Variants in UBAC2 observed in about 807,000 individuals in gnomAD.
UBAC2 encodes ubiquitin-associated domain-containing protein 2.
UBAC2 carries 26 observed loss-of-function variants against 44.0 expected under a neutral mutation model. The ratio of observed to expected loss-of-function variants is 0.59; its 90% CI spans 0.43 to 0.82. The LOEUF is 0.82. Among genes scored for constraint, UBAC2 ranks in the 40% least tolerant of loss-of-function variants. The pLI, the probability that UBAC2 is intolerant of heterozygous loss-of-function variation, is 0.00. For missense variants in UBAC2, 329 were observed against 419.4 expected (o/e 0.78, Z 1.88); for synonymous variants, 155 against 154.3 (o/e 1.00, Z -0.04).
At chr13:99,363,149 G>C (rs1047048933) in intron 7 of UBAC2, among the ~76,000 whole-genome samples, 10 of 152,124 alleles carry the variant, frequency 6.6e-5, no homozygotes, top group African/African-American at 2.4e-4. Flanking sequence ...TCATAACCAA[G>C]TGCCCATGTT....
chr13:99,338,039 CTTTTTTTCT>C (rs1170872570), intron 6 of UBAC2, among the ~76,000 whole-genome samples: 558 of 91,326 alleles, frequency 6.1e-3, no homozygotes, highest in South Asian at 0.011. Context: ...AACTTTTTTT[CTTTTTTTCT>C]TTTTTTTTTT....
chr13:99,272,950 T>A (rs954216829), intron 4 of UBAC2, among the ~76,000 whole-genome samples: 1 of 152,146 alleles, frequency 6.6e-6, no homozygotes, highest in Admixed American at 6.5e-5. Flanking sequence ...TCTAGTATTT[T>A]TAGCCATTTT....
intron 8 of UBAC2, among the ~76,000 whole-genome samples, chr13:99,371,830 A>G (rs535930494): frequency 3.9e-5 from 6 of 152,274 alleles, no homozygotes; most frequent in Non-Finnish European, 8.8e-5. Context: ...AATGTATGCC[A>G]TGTACTTTGA....
intron 8 of UBAC2, among the ~76,000 whole-genome samples, chr13:99,380,920 G>T (rs2045542191): frequency 6.6e-6 from 1 of 152,188 alleles, no homozygotes; most frequent in South Asian, 2.1e-4. Context: ...TTGGCTAAAG[G>T]GGCATGATCT....
chr13:99,244,526 G>A lies in UBAC2; in HGVS notation c.291G>A (p.Leu97=). ...YGSRKFASFL[L]GSWVLSALFD... is the part of the protein sequence containing the mutation. ...GTTTTATTTTGTAGTCCTTTTTGCT[G>A]GGTTCCTGGGTTTTGTCAGCCTTAT... The change falls in exon 4 of 9, where the codon CTG becomes CTA. Residue 97 remains leucine, a synonymous_variant. Transcript: ENST00000403766. 1 of 1,611,832 alleles carries A rather than the reference G, an allele frequency of 6.2e-7. No individual in the cohort carries two copies. The highest frequency in any genetic ancestry group is 8.5e-7 in the Non-Finnish European group (1 of 1,178,754).
intron 7 of UBAC2, among the ~76,000 whole-genome samples, chr13:99,354,637 G>A (rs966366651): frequency 2.0e-5 from 3 of 151,682 alleles, no homozygotes; most frequent in African/African-American, 7.3e-5. Flanking sequence ...AGTTTGAGCC[G>A]ACATAGTAAT....
chr13:99,347,435 A>T (rs1180082946), intron 7 of UBAC2, among the ~76,000 whole-genome samples: 1 of 148,474 alleles, frequency 6.7e-6, no homozygotes, highest in Non-Finnish European at 1.5e-5. Context: ...GATGGGGATG[A>T]GAAGCGCTGC....
chr13:99,365,469 A>G (rs2045318201), intron 7 of UBAC2, among the ~76,000 whole-genome samples: 1 of 152,084 alleles, frequency 6.6e-6, no homozygotes, highest in African/African-American at 2.4e-5. Context: ...ATTACATCCC[A>G]TAAACTTTGA....
At chr13:99,303,962 C>G (rs1348932421) in intron 4 of UBAC2, among the ~76,000 whole-genome samples, 1 of 152,202 alleles carries the variant, frequency 6.6e-6, no homozygotes, top group Non-Finnish European at 1.5e-5. Context: ...TTGTGCTCTG[C>G]TGCACATCCG....
rs1352367587 is a variant in UBAC2, at chr13:99,238,555, G to C, written c.159+1G>C. 1.9e-6 allele frequency: 3 copies of C among 1,604,154 alleles called. No homozygotes were observed. The highest frequency in any genetic ancestry group is 2.6e-6 in the Non-Finnish European group (3 of 1,174,998). Reference sequence around the variant, plus strand: ...TCACGCAGTCAAGAACGACTTCCAGGTAAGCTCTGCCTCATTGGCCCCTGA... The same window carrying C: ...TCACGCAGTCAAGAACGACTTCCAGCTAAGCTCTGCCTCATTGGCCCCTGA... On this transcript the variant is annotated splice_donor_variant, in intron 2 of 8. Coordinates refer to ENST00000403766, the MANE Select transcript of UBAC2 (RefSeq NM_001144072.2). LOFTEE classifies it high-confidence loss of function.
intron 1 of UBAC2, among the ~76,000 whole-genome samples, chr13:99,237,254 G>GTATATATATATA (rs142568689): frequency 1.5e-5 from 2 of 136,408 alleles, no homozygotes; most frequent in South Asian, 2.3e-4. Flanking sequence ...AATTTTATGC[G>GTATATATATATA]TATATATATA....
chr13:99,254,885 T>C (rs780161923), intron 4 of UBAC2: 1 of 1,610,128 alleles, frequency 6.2e-7, no homozygotes, highest in Admixed American at 1.7e-5. Context: ...ATTCATAACA[T>C]TTCACTGTTT....
intron 1 of UBAC2, among the ~76,000 whole-genome samples, chr13:99,217,229 G>A (rs538236987): frequency 2.2e-4 from 33 of 152,220 alleles, no homozygotes; most frequent in Non-Finnish European, 4.1e-4. Flanking sequence ...GGCTGGAGAT[G>A]TTGGCAGAGT....
At chr13:99,255,558 T>A in intron 4 of UBAC2, 1 of 1,614,146 alleles carries the variant, frequency 6.2e-7, no homozygotes. Context: ...AAGCAATGCT[T>A]GGGTAAAACA....
chr13:99,288,158 C>G (rs1406741405), intron 4 of UBAC2, among the ~76,000 whole-genome samples: 1 of 152,198 alleles, frequency 6.6e-6, no homozygotes, highest in Non-Finnish European at 1.5e-5. Flanking sequence ...CATTCTGACA[C>G]ACTTTTTTCT....
chr13:99,308,680 C>A (rs868049449), intron 4 of UBAC2: 1 of 152,194 alleles, frequency 6.6e-6, no homozygotes, highest in Non-Finnish European at 1.5e-5. Flanking sequence ...TTGCCTCCCA[C>A]AGATGTCATT....
At chr13:99,255,488 C>A (rs762683808) in intron 4 of UBAC2, 6 of 1,614,010 alleles carry the variant, frequency 3.7e-6, no homozygotes, top group South Asian at 2.2e-5. Context: ...AGTTCTTTGG[C>A]GTACTTCGGC....
At chr13:99,246,323 G>A (rs1161486340) in intron 4 of UBAC2, among the ~76,000 whole-genome samples, 1 of 152,214 alleles carries the variant, frequency 6.6e-6, no homozygotes, top group Non-Finnish European at 1.5e-5. Flanking sequence ...GGTGGTCATT[G>A]TAATTAGACT....
At chr13:99,369,266 T>C (rs1053203247) in intron 8 of UBAC2, among the ~76,000 whole-genome samples, 9 of 152,318 alleles carry the variant, frequency 5.9e-5, no homozygotes, top group Non-Finnish European at 1.2e-4. Context: ...CCTATAATTG[T>C]CGAACTTTAA....
Sources: gnomAD v4.1 joint callset for allele counts (sites outside exome capture counted in the v4.1 genomes callset) on GRCh38, gnomAD v4.1.1 for gene constraint, MANE v1.5 for transcripts, NCBI Gene and HGNC (gene_info 2026-07-23, HGNC 2026-07-21) for gene names.